Variants in TTC28 observed in about 807,000 individuals in gnomAD.
The protein encoded by TTC28 is tetratricopeptide repeat domain 28.
In TTC28, 61 loss-of-function variants were observed where a neutral mutation model predicts 198.0. That is an observed-to-expected ratio of 0.31 (90% CI 0.25 to 0.38). The LOEUF (loss-of-function observed/expected upper bound fraction) is 0.38. Among genes scored for constraint, TTC28 ranks in the 10% least tolerant of loss-of-function variants. The probability of loss-of-function intolerance (pLI) is 1.00; values close to 1 mark genes in which losing one functional copy is unlikely to be tolerated. For synonymous variants in TTC28, 1,171 were observed against 1,297.8 expected (o/e 0.90, Z 2.10); for missense variants, 2,678 against 3,164.0 (o/e 0.85, Z 3.69).
chr22:28,246,237 G>C (rs1483762108), intron 5 of TTC28, among the ~76,000 whole-genome samples: 2 of 152,084 alleles, frequency 1.3e-5, no homozygotes, highest in Non-Finnish European at 2.9e-5. Flanking sequence ...TCCACTTACT[G>C]AGTAGATCAT....
chr22:28,159,301 G>A lies in TTC28; in HGVS notation c.1441+3791C>T, dbSNP rs575042759. On this transcript the variant is annotated intron_variant, in intron 6 of 22. Transcript: ENST00000397906. ...GGGAACCCTAGCACACTGTTGGTGG[G>A]AGTGTAAATTAGTACAACCACTATG... Among the ~76,000 whole-genome samples, 155 of 152,270 alleles carry A rather than the reference G, an allele frequency of 1.0e-3. 1 individual carries two copies. Among genetic ancestry groups the A allele is most frequent in the Non-Finnish European group, 2.0e-3 (134 of 68,008 alleles).
chr22:27,978,705 AATGT>A lies in TTC28; in HGVS notation c.*3512_*3515del, dbSNP rs1336007125. On this transcript the variant is annotated 3_prime_UTR_variant, in exon 23 of 23. Coordinates refer to ENST00000397906, the MANE Select transcript of TTC28 (RefSeq NM_001145418.2). The stretch of plus-strand genomic sequence containing the variant: ...TGTGTTGCACATCAGTGTGGATCAA[AATGT>A]AAGTTTTAGTAGCAATTTTTCTCTT... 6.6e-6 allele frequency: 1 copy of A among 152,174 alleles called. No individual in the cohort carries two copies. The highest frequency in any genetic ancestry group is 1.5e-5 in the Non-Finnish European group (1 of 68,032). 9.4% of individuals were successfully genotyped at this position (152,174 alleles called of 1,614,324 possible). A position where few individuals can be genotyped will look rare whatever the true frequency, so the allele number is the denominator to read the frequency against.
intron 5 of TTC28, among the ~76,000 whole-genome samples, chr22:28,182,857 C>A (rs1291454903): frequency 1.3e-5 from 2 of 152,138 alleles, no homozygotes; most frequent in South Asian, 4.1e-4. Flanking sequence ...ATCACCTAAT[C>A]CACAGATTTT....
chr22:28,634,756 T>C (rs933571104), intron 1 of TTC28, among the ~76,000 whole-genome samples: 1 of 151,632 alleles, frequency 6.6e-6, no homozygotes, highest in Non-Finnish European at 1.5e-5. Flanking sequence ...AGCCAATTTT[T>C]GTATTTTTAG....
intron 2 of TTC28, among the ~76,000 whole-genome samples, chr22:28,541,276 G>A (rs1402892500): frequency 6.6e-6 from 1 of 152,182 alleles, no homozygotes; most frequent in Non-Finnish European, 1.5e-5. Context: ...TTAGCCCCAT[G>A]ATTGCCCTGG....
At chr22:28,321,191 T>A (rs1035981017) in intron 2 of TTC28, among the ~76,000 whole-genome samples, 7 of 152,310 alleles carry the variant, frequency 4.6e-5, no homozygotes, top group Admixed American at 4.6e-4. Context: ...TAAATCCTTA[T>A]GCCTGTAATC....
chr22:28,550,600 T>C (rs1222655895), intron 2 of TTC28, among the ~76,000 whole-genome samples: 1 of 152,070 alleles, frequency 6.6e-6, no homozygotes, highest in East Asian at 1.9e-4. Context: ...TTATCTCCAA[T>C]GTTACTTTGC....
At chr22:28,078,082 G>A (rs2146797201) in intron 12 of TTC28, among the ~76,000 whole-genome samples, 1 of 152,310 alleles carries the variant, frequency 6.6e-6, no homozygotes, top group South Asian at 2.1e-4. Flanking sequence ...CGCCTCTTTT[G>A]ATCTGGGAGG....
intron 2 of TTC28, among the ~76,000 whole-genome samples, chr22:28,567,154 G>C (rs1354768250): frequency 2.0e-5 from 3 of 150,290 alleles, no homozygotes; most frequent in Admixed American, 6.7e-5. Flanking sequence ...GGCAGAGATT[G>C]CAGCGAGCCA....
intron 2 of TTC28, among the ~76,000 whole-genome samples, chr22:28,488,556 G>C (rs921950312): frequency 3.3e-5 from 5 of 152,114 alleles, no homozygotes; most frequent in Non-Finnish European, 5.9e-5. Context: ...AAATATATAT[G>C]ACGTTTCTCA....
chr22:28,535,262 C>CATAA (rs1259810273), intron 2 of TTC28, among the ~76,000 whole-genome samples: 2 of 151,964 alleles, frequency 1.3e-5, no homozygotes, highest in Admixed American at 6.6e-5. Flanking sequence ...CTTGTAAGGG[C>CATAA]ATAAATATTA....
chr22:28,343,973 A>C (rs1043287400), intron 2 of TTC28, among the ~76,000 whole-genome samples: 1 of 152,198 alleles, frequency 6.6e-6, no homozygotes, highest in Admixed American at 6.5e-5. Flanking sequence ...ACATATATGT[A>C]TAAATTCAGT....
At position 28,196,736 on chromosome 22, in the gene TTC28, A is replaced by C. The variant is rs534664531; in HGVS notation, c.934-33137T>G. On this transcript the variant is annotated intron_variant, in intron 5 of 22. Coordinates refer to ENST00000397906, the MANE Select transcript of TTC28 (RefSeq NM_001145418.2). ...GAGAAATGCAAATCAAAACCACACC[A>C]GTTAGTATGGCGATCATTAAAAAGT... 1.4e-3 allele frequency among the ~76,000 whole-genome samples: 206 copies of C among 150,974 alleles called. 2 individuals are homozygous for C. The highest frequency in any genetic ancestry group is 2.5e-3 in the Non-Finnish European group (170 of 67,212).
At chr22:28,485,767 T>C (rs1386794149) in intron 2 of TTC28, among the ~76,000 whole-genome samples, 1 of 152,088 alleles carries the variant, frequency 6.6e-6, no homozygotes, top group Non-Finnish European at 1.5e-5. Context: ...TGGAGGAAAA[T>C]ATATTCACAA....
At chr22:28,375,652 C>T (rs559769438) in intron 2 of TTC28, among the ~76,000 whole-genome samples, 63 of 152,254 alleles carry the variant, frequency 4.1e-4, no homozygotes, top group African/African-American at 1.4e-3. Flanking sequence ...GACAAGATTA[C>T]GGAATACCTA....
intron 5 of TTC28, among the ~76,000 whole-genome samples, chr22:28,169,622 A>G (rs1320191767): frequency 1.3e-5 from 2 of 152,136 alleles, no homozygotes; most frequent in South Asian, 2.1e-4. Flanking sequence ...CTGAACAATC[A>G]GAACACATGG....
intron 2 of TTC28, among the ~76,000 whole-genome samples, chr22:28,405,056 G>A (rs1001704539): frequency 3.3e-5 from 5 of 152,110 alleles, no homozygotes; most frequent in African/African-American, 9.7e-5. Context: ...TTCACACAGG[G>A]TTTTCTTGAA....
intron 5 of TTC28, among the ~76,000 whole-genome samples, chr22:28,257,852 T>G (rs1931062798): frequency 6.9e-6 from 1 of 145,978 alleles, no homozygotes; most frequent in Non-Finnish European, 1.5e-5. Flanking sequence ...AAAGAAAGAC[T>G]ACATATAGTT....
chr22:27,994,206 G>A (rs1490577464), intron 17 of TTC28, among the ~76,000 whole-genome samples: 1 of 152,130 alleles, frequency 6.6e-6, no homozygotes, highest in Non-Finnish European at 1.5e-5. Context: ...CACTTTGGGA[G>A]GCCAAGACGG....
Sources: gnomAD v4.1 joint callset for allele counts (sites outside exome capture counted in the v4.1 genomes callset) on GRCh38, gnomAD v4.1.1 for gene constraint, MANE v1.5 for transcripts, NCBI Gene and HGNC (gene_info 2026-07-23, HGNC 2026-07-21) for gene names.